Variants in ACP7 observed in about 807,000 individuals in gnomAD.
The protein encoded by ACP7 is acid phosphatase 7, tartrate resistant (putative).
Under a neutral mutation model 60.6 loss-of-function variants are expected in ACP7, and 58 were observed. That is an observed-to-expected ratio of 0.96 (90% CI 0.77 to 1.19). The LOEUF (loss-of-function observed/expected upper bound fraction) is 1.19, where lower values mean the gene tolerates loss of function less well. Ranked by LOEUF, ACP7 falls within the 50% of genes most tolerant of loss-of-function variation. ACP7 has a pLI of 0.00. For synonymous variants in ACP7, 237 were observed against 232.6 expected (o/e 1.02, Z -0.17); for missense variants, 574 against 596.2 (o/e 0.96, Z 0.39).
Position 39,095,672 on chromosome 19 carries a change from G to C in ACP7, c.122-2786G>C, listed in dbSNP as rs182975350. Among the ~76,000 whole-genome samples, 54 of 152,330 alleles carry C rather than the reference G, an allele frequency of 3.5e-4. 1 individual carries two copies. The highest frequency in any genetic ancestry group is 1.2e-3 in the African/African-American group (51 of 41,576). On this transcript the variant is annotated intron_variant, in intron 2 of 12. Coordinates refer to ENST00000331256, the MANE Select transcript of ACP7 (RefSeq NM_001004318.3). ...GCTCCACTAGGTGGTAACCCAGTAG[G>C]GACTCTGTGTGGGGGCTCCAGCCCC... is the stretch of plus-strand genomic sequence containing the variant.
chr19:39,086,476 T>A (rs1368942985), intron 2 of ACP7, among the ~76,000 whole-genome samples: 2 of 149,280 alleles, frequency 1.3e-5, no homozygotes, highest in African/African-American at 4.9e-5. Flanking sequence ...ACAAAAAAAT[T>A]AAAAAATTAG....
Position 39,107,054 on chromosome 19 carries a change from C to T in ACP7, c.1221C>T (p.His407=). ...GGCTGCACATCCTCAACGGGACCCA[C>T]ATCCACATCCAGCAGGTGTCGGACG... ...YTRLHILNGT[H]IHIQQVSDDQ... The change falls in exon 12 of 13, where the codon CAC becomes CAT. Residue 407 remains histidine, a synonymous_variant. Transcript: ENST00000331256. 6.2e-7 allele frequency: 1 copy of T among 1,614,048 alleles called. No homozygotes were observed. Among genetic ancestry groups the T allele is most frequent in the Non-Finnish European group, 8.5e-7 (1 of 1,179,988 alleles).
chr19:39,092,771 C>CTTTT lies in ACP7; in HGVS notation c.122-5666_122-5663dup, dbSNP rs67888880. Among the ~76,000 whole-genome samples, 194 of 114,642 alleles carry CTTTT rather than the reference C, an allele frequency of 1.7e-3. 3 individuals are homozygous for CTTTT. Among genetic ancestry groups the CTTTT allele is most frequent in the East Asian group, 2.2e-3 (7 of 3,236 alleles). The allele number at this position is 114,642 out of a possible 152,430, so 75.2% of individuals were successfully genotyped here. A position where few individuals can be genotyped will look rare whatever the true frequency, so the allele number is the denominator to read the frequency against. On this transcript the variant is annotated intron_variant, in intron 2 of 12. Coordinates refer to ENST00000331256, the MANE Select transcript of ACP7 (RefSeq NM_001004318.3). ...ATCCCTACTACTCTTTCCCATTCCT[C>CTTTT]TTTTTTTTTTTTTTTTTTTTTTTTG... is the stretch of plus-strand genomic sequence containing the variant.
intron 1 of ACP7, among the ~76,000 whole-genome samples, chr19:39,084,730 T>C (rs985205190): frequency 2.3e-4 from 35 of 151,796 alleles, no homozygotes; most frequent in African/African-American, 4.8e-5. Context: ...CTGGGGTTTC[T>C]AACAGCAGGA....
In ACP7 at chr19:39,100,836, C is replaced by G; in HGVS notation, c.790C>G (p.Leu264Val). The change falls in exon 7 of 13, where the codon CTG (leucine) becomes GTG (valine). Residue 264 changes from leucine (L) to valine (V), a missense_variant. By Grantham distance (32) the Leu-to-Val change is conservative (BLOSUM62 1). Transcript: ENST00000331256. ...RHLVQRQFRW[L>V]ESDLQKANKN... Reference sequence around the variant, plus strand: ...CTTGGTACAGAGGCAGTTTCGCTGGCTGGAGAGCGACCTCCAGGTAACCTG... The same window carrying G: ...CTTGGTACAGAGGCAGTTTCGCTGGGTGGAGAGCGACCTCCAGGTAACCTG... 6.2e-7 allele frequency: 1 copy of G among 1,613,768 alleles called. No individual in the cohort carries two copies. The highest frequency in any genetic ancestry group is 2.2e-5 in the East Asian group (1 of 44,858).
intron 11 of ACP7, among the ~76,000 whole-genome samples, chr19:39,102,715 T>TTTTCTTTCTC (rs2073362287): frequency 8.4e-6 from 1 of 118,710 alleles, no homozygotes; most frequent in Admixed American, 8.5e-5. Context: ...CAATGAAGAC[T>TTTTCTTTCTC]TTTCTTTCTT....
rs148624336 is a variant in ACP7, at chr19:39,092,519, C to T, written c.122-5939C>T. 9.9e-5 allele frequency among the ~76,000 whole-genome samples: 15 copies of T among 152,116 alleles called. No homozygotes were observed. The East Asian group carries it at 1.2e-3, about 12-fold the overall frequency. The stretch of plus-strand genomic sequence containing the variant: ...TACCCAGTTAGGACACTGTTTCTTG[C>T]GGTTATTATTCTTCCTCACCCCCTT... On this transcript the variant is annotated intron_variant, in intron 2 of 12. Coordinates refer to ENST00000331256, the MANE Select transcript of ACP7 (RefSeq NM_001004318.3).
intron 2 of ACP7, among the ~76,000 whole-genome samples, chr19:39,087,670 GT>G (rs2073158797): frequency 7.0e-6 from 1 of 142,664 alleles, no homozygotes; most frequent in Admixed American, 7.4e-5. Context: ...GCCTCACTCT[GT>G]TGGCCAGGCT....
At chr19:39,098,860 T>TC (rs1276349574) in intron 3 of ACP7, 100 bp from the exon 4 acceptor site, 3 of 1,444,380 alleles carry the variant, frequency 2.1e-6, no homozygotes, top group East Asian at 2.3e-5. Flanking sequence ...CCCCCACCAG[T>TC]CCCCCCATCT....
At chr19:39,100,149 A>C (rs556055685) in intron 4 of ACP7, 78 bp from the exon 5 acceptor site, 5 of 1,572,050 alleles carry the variant, frequency 3.2e-6, no homozygotes, top group Non-Finnish European at 4.3e-6. Flanking sequence ...GGTGTGAGTC[A>C]CCATACCTGG....
At chr19:39,093,458 G>T (rs1345053441) in intron 2 of ACP7, among the ~76,000 whole-genome samples, 1 of 151,474 alleles carries the variant, frequency 6.6e-6, no homozygotes, top group Non-Finnish European at 1.5e-5. Flanking sequence ...TTTGCCATAT[G>T]GGCCAGGCTG....
rs58293250 is a variant in ACP7, at chr19:39,103,441, G to GTTTT, written c.1113+1926_1113+1929dup. Among the ~76,000 whole-genome samples, 497 of 64,724 alleles carry GTTTT rather than the reference G, an allele frequency of 7.7e-3. 34 individuals carry two copies. Among genetic ancestry groups the GTTTT allele is most frequent in the African/African-American group, 0.025 (370 of 14,862 alleles). 42.5% of individuals were successfully genotyped at this position (64,724 alleles called of 152,430 possible). Reference sequence around the variant, plus strand: ...TCAAAACATTCCAGGATCATCATGTGTTTTTTTTTTTTTTTTTTTTTTTTT... The same window carrying GTTTT: ...TCAAAACATTCCAGGATCATCATGTGTTTTTTTTTTTTTTTTTTTTTTTTTTTTT... On this transcript the variant is annotated intron_variant, in intron 11 of 12. Transcript: ENST00000331256.
intron 4 of ACP7, 130 bp downstream of exon 4, chr19:39,099,272 G>T (rs2073312270): frequency 2.8e-6 from 3 of 1,084,328 alleles, no homozygotes; most frequent in Non-Finnish European, 3.6e-6. Flanking sequence ...GCTGGGGCCA[G>T]TGTGTCTCTG....
chr19:39,107,605 G>T (rs2145044514), intron 12 of ACP7, among the ~76,000 whole-genome samples: 1 of 132,930 alleles, frequency 7.5e-6, no homozygotes, highest in East Asian at 2.2e-4. Context: ...AAAAAATTAG[G>T]CCAGGTGCGG....
chr19:39,089,604 G>C (rs933755687), intron 2 of ACP7, among the ~76,000 whole-genome samples: 1 of 152,038 alleles, frequency 6.6e-6, no homozygotes, highest in Admixed American at 6.6e-5. Flanking sequence ...TCCAGAATCC[G>C]ATCCAGGATC....
intron 2 of ACP7, 119 bp downstream of exon 2, chr19:39,085,509 G>A: frequency 7.5e-7 from 1 of 1,331,706 alleles, no homozygotes; most frequent in Non-Finnish European, 1.0e-6. Flanking sequence ...TTCCTCCTGA[G>A]CCTCCATCAT....
chr19:39,096,786 A>C (rs1324615917), intron 2 of ACP7, among the ~76,000 whole-genome samples: 1 of 152,066 alleles, frequency 6.6e-6, no homozygotes, highest in East Asian at 1.9e-4. Context: ...GGTGAAAGCC[A>C]TTTCTTTTTT....
At chr19:39,085,650 C>T (rs1328253720) in intron 2 of ACP7, among the ~76,000 whole-genome samples, 5 of 152,206 alleles carry the variant, frequency 3.3e-5, no homozygotes, top group Admixed American at 3.3e-4. Context: ...TTCATTGCAT[C>T]TCTGTTGTGT....
chr19:39,107,078 C>T lies in ACP7; in HGVS notation c.1245C>T (p.Asp415=), dbSNP rs563661468. 18 of 1,613,884 alleles carry T rather than the reference C, an allele frequency of 1.1e-5. No individual in the cohort carries two copies. The highest frequency in any genetic ancestry group is 2.2e-5 in the East Asian group (1 of 44,874). Residue 415 remains aspartate (D), a synonymous_variant, in exon 12 of 13, where the codon GAC becomes GAT. Coordinates refer to ENST00000331256, the MANE Select transcript of ACP7 (RefSeq NM_001004318.3). ...GTHIHIQQVS[D]DQDGKIVDDV... ...ACATCCACATCCAGCAGGTGTCGGA[C>T]GACCAGGTCAGTGAGGGGCAGGCCG...
Sources: allele counts gnomAD v4.1 joint callset (sites outside exome capture counted in the v4.1 genomes callset), GRCh38; gene constraint gnomAD v4.1.1; transcripts MANE v1.5; gene names NCBI Gene and HGNC (gene_info 2026-07-23, HGNC 2026-07-21).